RO60: variants seen among roughly 807,000 people sequenced by gnomAD.
RO60 encodes RNA-binding protein RO60.
A neutral mutation model predicts 55.3 loss-of-function variants in RO60; 20 were observed. That is an observed-to-expected ratio of 0.36 (90% confidence interval 0.25 to 0.53). The LOEUF (loss-of-function observed/expected upper bound fraction) is 0.53. RO60 is among the 20% of genes least tolerant of loss of function. RO60 has a pLI of 0.92. For synonymous variants in RO60, 213 were observed against 213.6 expected (o/e 1.00, Z 0.02); for missense variants, 558 against 646.6 (o/e 0.86, Z 1.49).
intron 2 of RO60, among the ~76,000 whole-genome samples, chr1:193,075,147 T>C (rs369543417): frequency 6.6e-6 from 1 of 152,150 alleles, no homozygotes; most frequent in African/African-American, 2.4e-5. Flanking sequence ...TTTACAGAAG[T>C]GGTGAAACTA....
At chr1:193,062,390 G>A (rs1203321105) in intron 1 of RO60, among the ~76,000 whole-genome samples, 2 of 152,190 alleles carry the variant, frequency 1.3e-5, no homozygotes, top group Non-Finnish European at 2.9e-5. Flanking sequence ...TATAATTTTT[G>A]TGTAATCAAT....
chr1:193,073,647 C>T (rs1186873603), intron 2 of RO60, among the ~76,000 whole-genome samples: 2 of 152,120 alleles, frequency 1.3e-5, no homozygotes, highest in African/African-American at 4.8e-5. Context: ...GATCTTGGCC[C>T]ACTGTAACCT....
In RO60 at chr1:193,075,900, G is replaced by A; in HGVS notation, c.661G>A (p.Glu221Lys). 1 of 1,613,226 alleles carries A rather than the reference G, an allele frequency of 6.2e-7. No homozygotes were observed. Among genetic ancestry groups the A allele is most frequent in the South Asian group, 1.1e-5 (1 of 91,040 alleles). The stretch of plus-strand genomic sequence containing the variant: ...GTATAAAGAAAAAGCACTCTCTGTG[G>A]AGACTGAAAAATTATTAAAGTATCT... The part of the protein sequence containing the change: ...ELYKEKALSV[E>K]TEKLLKYLEA... Residue 221 changes from glutamate to lysine, a missense_variant, in exon 3 of 9, where the codon GAG becomes AAG. By Grantham distance (56) the Glu-to-Lys change is moderately conservative. Coordinates refer to ENST00000400968, the MANE Select transcript of RO60 (RefSeq NM_001173524.2).
chr1:193,075,780 G>T, intron 2 of RO60, 40 bp from the exon 3 acceptor site: 1 of 1,452,192 alleles, frequency 6.9e-7, no homozygotes, highest in Non-Finnish European at 9.4e-7. Context: ...TTTTTACTTG[G>T]TAATCCTGCA....
At chr1:193,064,169 A>G (rs1672960533) in intron 1 of RO60, among the ~76,000 whole-genome samples, 1 of 152,244 alleles carries the variant, frequency 6.6e-6, no homozygotes, top group Admixed American at 6.5e-5. Flanking sequence ...GTATCGATGA[A>G]GAAAGTTTTT....
At chr1:193,079,951 A>G (rs575771135) in intron 5 of RO60, among the ~76,000 whole-genome samples, 4 of 146,806 alleles carry the variant, frequency 2.7e-5, no homozygotes, top group Non-Finnish European at 6.0e-5. Context: ...ACATGGTGAT[A>G]CCCCGTCTCT....
chr1:193,060,761 T>A (rs2103004897), intron 1 of RO60, among the ~76,000 whole-genome samples: 1 of 152,306 alleles, frequency 6.6e-6, no homozygotes, highest in Non-Finnish European at 1.5e-5. Flanking sequence ...TTTCTTGAAG[T>A]TTATCTCCGG....
At chr1:193,070,707 A>G in intron 2 of RO60, 3 of 307,004 alleles carry the variant, frequency 9.8e-6, no homozygotes, top group Non-Finnish European at 2.1e-5. Context: ...ATGTCCCAGC[A>G]CCTAACATGT....
chr1:193,081,949 T>C (rs1346855626), intron 6 of RO60, among the ~76,000 whole-genome samples: 1 of 152,172 alleles, frequency 6.6e-6, no homozygotes, highest in Non-Finnish European at 1.5e-5. Flanking sequence ...TTATTTCTTA[T>C]CTAATGAAAT....
In RO60 at chr1:193,059,874, G is replaced by T; in HGVS notation, c.-22+98G>T. ...TCCATGTCTCTCACCCGCATCCCAG[G>T]GGTTGAGGCTGGGCAAACGCCGCGA... On this transcript the variant is annotated intron_variant, in intron 1 of 8. Transcript: ENST00000400968. The surrounding 1 kb of genome is among the most constrained non-coding windows in gnomAD (Gnocchi z 4.9). The T allele has an allele frequency of 7.3e-7, 1 of 1,364,928 alleles. No homozygotes were observed. The highest frequency in any genetic ancestry group is 9.8e-7 in the Non-Finnish European group (1 of 1,021,208). The allele number at this position is 1,364,928 out of a possible 1,614,324, so 84.6% of individuals were successfully genotyped here. A position where few individuals can be genotyped will look rare whatever the true frequency, so the allele number is the denominator to read the frequency against.
intron 1 of RO60, among the ~76,000 whole-genome samples, chr1:193,067,821 C>T (rs768090394): frequency 2.0e-5 from 3 of 151,964 alleles, no homozygotes; most frequent in Non-Finnish European, 2.9e-5. Flanking sequence ...GACATAAAAC[C>T]GTAAACCTAA....
chr1:193,084,546 GTTT>G (rs1288989421), intron 8 of RO60, 30 bp from the exon 9 acceptor site: 10 of 1,583,968 alleles, frequency 6.3e-6, no homozygotes, highest in Non-Finnish European at 7.7e-6. Flanking sequence ...TTACATTTAT[GTTT>G]TTAATATGTA....
At chr1:193,072,419 C>CT (rs767658833) in intron 2 of RO60, among the ~76,000 whole-genome samples, 2 of 149,722 alleles carry the variant, frequency 1.3e-5, no homozygotes, top group Non-Finnish European at 3.0e-5. Context: ...ATTTTTTCTT[C>CT]TTTTTTTTCT....
At position 193,076,569 on chromosome 1, in the gene RO60, T is replaced by C. The variant is rs374357504; in HGVS notation, c.870T>C (p.Ala290=). ...TAAGGAATCTAGGAAAGATGACTGC[T>C]AATTCAGTACTTGAACCAGGAAATT... ...ALLRNLGKMT[A]NSVLEPGNSE... The change falls in exon 4 of 9, where the codon GCT becomes GCC. Residue 290 remains alanine (A), a synonymous_variant. Transcript: ENST00000400968. 3.1e-6 allele frequency: 5 copies of C among 1,612,378 alleles called. No homozygotes were observed. The highest frequency in any genetic ancestry group is 4.5e-5 in the East Asian group (2 of 44,742).
At chr1:193,061,856 C>T (rs142035291) in intron 1 of RO60, among the ~76,000 whole-genome samples, 3,208 of 152,006 alleles carry the variant, frequency 0.021, 112 homozygotes, top group African/African-American at 0.074. Context: ...CGGTGGCAGG[C>T]GCCTGTAATC....
intron 5 of RO60, among the ~76,000 whole-genome samples, chr1:193,078,357 A>G (rs1277724403): frequency 6.6e-6 from 1 of 152,230 alleles, no homozygotes; most frequent in Admixed American, 6.5e-5. Context: ...CAAGAAAAAG[A>G]CAAGGATGCC....
Position 193,085,274 on chromosome 1 carries a change from A to G in RO60, c.*543A>G, listed in dbSNP as rs544149865. On this transcript the variant is annotated 3_prime_UTR_variant, in exon 9 of 9. Transcript: ENST00000400968. ...TGAATGAGTTTTACAAATTCCTTTC[A>G]GAGTTTTACTAAGATCACACAAATA... is the stretch of plus-strand genomic sequence containing the variant. 1.6e-5 allele frequency: 18 copies of G among 1,105,196 alleles called. No homozygotes were observed. The highest frequency in any genetic ancestry group is 3.9e-4 in the Middle Eastern group (1 of 2,532). The allele number at this position is 1,105,196 out of a possible 1,614,324, so 68.5% of individuals were successfully genotyped here.
Position 193,075,958 on chromosome 1 carries a change from A to G in RO60, c.719A>G (p.Asp240Gly), listed in dbSNP as rs750808274. The change falls in exon 3 of 9, where the codon GAT (aspartate) becomes GGT (glycine). Residue 240 changes from aspartate to glycine, a missense_variant. Physicochemically the swap from Asp to Gly is moderately conservative, Grantham distance 94. Transcript: ENST00000400968. The stretch of plus-strand genomic sequence containing the variant: ...GTAGAGAAAGTGAAGCGCACAAGAG[A>G]TGAGCTAGAAGTCATTCATCTAATA... ...EAVEKVKRTR[D>G]ELEVIHLIEE... 6.2e-7 allele frequency: 1 copy of G among 1,613,420 alleles called. No homozygotes were observed. Among genetic ancestry groups the G allele is most frequent in the Non-Finnish European group, 8.5e-7 (1 of 1,179,618 alleles).
chr1:193,075,378 CTG>C (rs1673838150), intron 2 of RO60, among the ~76,000 whole-genome samples: 1 of 149,084 alleles, frequency 6.7e-6, no homozygotes, highest in East Asian at 1.9e-4. Context: ...CTTATTTCTG[CTG>C]TTTTTGTAAA....
Sources: allele counts gnomAD v4.1 joint callset (sites outside exome capture counted in the v4.1 genomes callset), GRCh38; gene constraint gnomAD v4.1.1; non-coding constraint Gnocchi (gnomAD v3.1); transcripts MANE v1.5; gene names NCBI Gene and HGNC (gene_info 2026-07-23, HGNC 2026-07-21).